Variants in PRTFDC1 observed in about 807,000 individuals in gnomAD.
The protein encoded by PRTFDC1 is phosphoribosyltransferase domain-containing protein 1.
PRTFDC1 carries 38 observed loss-of-function variants against 34.6 expected under a neutral mutation model. The observed-to-expected ratio is 1.10, with a 90% confidence interval of 0.85 to 1.44. The LOEUF (loss-of-function observed/expected upper bound fraction) is 1.44, where lower values mean the gene tolerates loss of function less well. Ranked by LOEUF, PRTFDC1 falls within the 40% of genes most tolerant of loss-of-function variation. The probability of loss-of-function intolerance (pLI) is 0.00; values close to 1 mark genes in which losing one functional copy is unlikely to be tolerated. For missense variants in PRTFDC1, 270 were observed against 283.0 expected (o/e 0.95, Z 0.33); for synonymous variants, 93 against 98.1 (o/e 0.95, Z 0.31).
intron 3 of PRTFDC1, among the ~76,000 whole-genome samples, chr10:24,894,682 A>C (rs1017668379): frequency 7.9e-5 from 12 of 152,232 alleles, no homozygotes; most frequent in African/African-American, 2.7e-4. Context: ...TATGGAAGAC[A>C]TCACTTAAAA....
At chr10:24,912,291 A>G (rs1423661972) in intron 3 of PRTFDC1, among the ~76,000 whole-genome samples, 1 of 138,936 alleles carries the variant, frequency 7.2e-6, no homozygotes, top group African/African-American at 3.0e-5. Context: ...AAAAAAAAAA[A>G]AAAAGAAAGA....
At chr10:24,909,545 G>A (rs1245518205) in intron 3 of PRTFDC1, among the ~76,000 whole-genome samples, 1 of 152,106 alleles carries the variant, frequency 6.6e-6, no homozygotes, top group African/African-American at 2.4e-5. Context: ...ATCAGCAAAT[G>A]CTAGCTGAAT....
At chr10:24,889,275 G>A (rs778795089) in intron 3 of PRTFDC1, among the ~76,000 whole-genome samples, 37 of 152,078 alleles carry the variant, frequency 2.4e-4, no homozygotes, top group South Asian at 1.0e-3. Flanking sequence ...GCCCGATCTC[G>A]TCTGCAAGTG....
chr10:24,906,100 C>T (rs957051260), intron 3 of PRTFDC1, among the ~76,000 whole-genome samples: 1 of 152,188 alleles, frequency 6.6e-6, no homozygotes, highest in Non-Finnish European at 1.5e-5. Context: ...CTTTGTAGAT[C>T]TGGTCCTGTC....
At chr10:24,942,263 G>T (rs1849172241) in intron 2 of PRTFDC1, 67 bp downstream of exon 2, 2 of 1,291,806 alleles carry the variant, frequency 1.5e-6, no homozygotes, top group East Asian at 4.6e-5. Flanking sequence ...AAAGTATATT[G>T]TGGGATTCAC....
intron 3 of PRTFDC1, among the ~76,000 whole-genome samples, chr10:24,885,180 G>T (rs577562569): frequency 6.6e-6 from 1 of 152,320 alleles, no homozygotes; most frequent in Non-Finnish European, 1.5e-5. Flanking sequence ...ATGTGGATCT[G>T]CCTTTGTATT....
chr10:24,894,329 C>CA (rs199529794), intron 3 of PRTFDC1, among the ~76,000 whole-genome samples: 14,750 of 98,512 alleles, frequency 0.15, 1,049 homozygotes, highest in East Asian at 0.34. Flanking sequence ...GACTCAATCT[C>CA]AAAAAAAAAA....
In PRTFDC1 at chr10:24,939,301, CAA is replaced by C. The variant is rs34582221; in HGVS notation, c.156-1936_156-1935del. On this transcript the variant is annotated intron_variant, in intron 2 of 8. Transcript: ENST00000320152. The stretch of plus-strand genomic sequence containing the variant: ...GGGTGATAAGAGTGAAACTCTGACT[CAA>C]AAAAAAAAAAAAAAAAAGTAGAATT... Among the ~76,000 whole-genome samples the C allele has an allele frequency of 9.1e-3, 816 of 89,798 alleles. 6 individuals are homozygous for C. Among genetic ancestry groups the C allele is most frequent in the African/African-American group, 0.031 (719 of 23,550 alleles). 58.9% of individuals were successfully genotyped at this position (89,798 alleles called of 152,430 possible).
chr10:24,937,095 G>T, intron 3 of PRTFDC1, 89 bp downstream of exon 3: 1 of 1,194,982 alleles, frequency 8.4e-7, no homozygotes, highest in Non-Finnish European at 1.2e-6. Context: ...TTTAAAAATT[G>T]CACTCTTCAT....
At chr10:24,930,502 C>T (rs971327076) in intron 3 of PRTFDC1, among the ~76,000 whole-genome samples, 1 of 152,020 alleles carries the variant, frequency 6.6e-6, no homozygotes, top group Non-Finnish European at 1.5e-5. Flanking sequence ...CTGGCTTAGC[C>T]GGGTTAGGTG....
intron 3 of PRTFDC1, chr10:24,908,799 T>C (rs1335190810): frequency 2.8e-6 from 4 of 1,407,800 alleles, no homozygotes; most frequent in Non-Finnish European, 2.8e-6. Context: ...CACAGCCAGA[T>C]AGCCCTCACA....
At position 24,934,248 on chromosome 10, in the gene PRTFDC1, GAGAAGAAGA is replaced by G. The variant is rs200367106; in HGVS notation, c.339+2927_339+2935del. 5.3e-4 allele frequency among the ~76,000 whole-genome samples: 52 copies of G among 97,322 alleles called. 1 individual carries two copies. The highest frequency in any genetic ancestry group is 1.5e-3 in the African/African-American group (47 of 30,848). The allele number at this position is 97,322 out of a possible 152,430, so 63.8% of individuals were successfully genotyped here. A position where few individuals can be genotyped will look rare whatever the true frequency, so the allele number is the denominator to read the frequency against. On this transcript the variant is annotated intron_variant, in intron 3 of 8. Coordinates refer to ENST00000320152, the MANE Select transcript of PRTFDC1 (RefSeq NM_020200.7). ...GAAGAAGAAGAAGAAGAAGAAGAAG[GAGAAGAAGA>G]AGAAGAAGAAGAAGAAGAACTGATA... is the stretch of plus-strand genomic sequence containing the variant.
At chr10:24,864,161 T>G (rs1378219053) in intron 4 of PRTFDC1, among the ~76,000 whole-genome samples, 1 of 152,152 alleles carries the variant, frequency 6.6e-6, no homozygotes, top group Non-Finnish European at 1.5e-5. Context: ...AAGGAGTTGC[T>G]TCTTATGGAT....
Position 24,849,881 on chromosome 10 carries a change from AC to A in PRTFDC1, c.640del (p.Val214SerfsTer20). On this transcript the variant is annotated frameshift_variant, in exon 9 of 9. Coordinates refer to ENST00000320152, the MANE Select transcript of PRTFDC1 (RefSeq NM_020200.7). LOFTEE classifies it high-confidence loss of function. ...TTTTTCTTTACCGTGCTCATTGATGACGCATATGTGCTGAAACAATAAAGGA... is the reference window on the plus strand; with the variant it reads ...TTTTTCTTTACCGTGCTCATTGATGAGCATATGTGCTGAAACAATAAAGGA... ...EYFRDLNHIC[V>X]INEHGKEKYR... 3.1e-6 allele frequency: 5 copies of A among 1,613,998 alleles called. No individual in the cohort carries two copies. The highest frequency in any genetic ancestry group is 4.2e-6 in the Non-Finnish European group (5 of 1,179,918).
rs1554765609 is a variant in PRTFDC1 at position 24,929,052 on chromosome 10, A to AAAGAAAG, written c.339+8131_339+8132insCTTTCTT. ...GCAGACTCCGTCTCAAAAAAAAAAA[A>AAAGAAAG]AAAGAAAGAAAGAAAGAAAGAAAGG... On this transcript the variant is annotated intron_variant, in intron 3 of 8. Coordinates refer to ENST00000320152, the MANE Select transcript of PRTFDC1 (RefSeq NM_020200.7). Among the ~76,000 whole-genome samples the AAAGAAAG allele has an allele frequency of 6.9e-5, 8 of 116,538 alleles. No individual in the cohort carries two copies. In the South Asian group the frequency reaches 1.5e-3, roughly 21 times the overall value. 76.5% of individuals were successfully genotyped at this position (116,538 alleles called of 152,430 possible).
At chr10:24,895,606 C>T (rs1187653228) in intron 3 of PRTFDC1, among the ~76,000 whole-genome samples, 3 of 147,568 alleles carry the variant, frequency 2.0e-5, no homozygotes, top group Admixed American at 1.4e-4. Context: ...GGTGCATGAA[C>T]GGCCTTGCTT....
chr10:24,906,552 GC>G (rs1446342335), intron 3 of PRTFDC1, among the ~76,000 whole-genome samples: 4 of 152,196 alleles, frequency 2.6e-5, no homozygotes, highest in African/African-American at 9.7e-5. Flanking sequence ...GAATGGATGT[GC>G]CTTACCATGT....
At chr10:24,879,748 G>A (rs1848033852) in intron 3 of PRTFDC1, among the ~76,000 whole-genome samples, 1 of 152,166 alleles carries the variant, frequency 6.6e-6, no homozygotes, top group African/African-American at 2.4e-5. Flanking sequence ...AGTAACTGTC[G>A]TTTTTGCCTT....
At chr10:24,905,217 G>A (rs992480723) in intron 3 of PRTFDC1, among the ~76,000 whole-genome samples, 2 of 152,080 alleles carry the variant, frequency 1.3e-5, no homozygotes. Context: ...GGAGTCAGAG[G>A]TGGGCGGATT....
Sources: allele counts gnomAD v4.1 joint callset (sites outside exome capture counted in the v4.1 genomes callset), GRCh38; gene constraint gnomAD v4.1.1; transcripts MANE v1.5; gene names NCBI Gene and HGNC (gene_info 2026-07-23, HGNC 2026-07-21).